Variants in PLEKHA7 observed in about 807,000 individuals in gnomAD.
PLEKHA7 encodes the protein pleckstrin homology domain-containing family A member 7.
PLEKHA7 carries 104 observed loss-of-function variants against 170.0 expected under a neutral mutation model. The ratio of observed to expected loss-of-function variants is 0.61; its 90% CI spans 0.52 to 0.72. PLEKHA7 has a LOEUF of 0.72. PLEKHA7 is among the 30% of genes least tolerant of loss of function. PLEKHA7 has a pLI of 0.00. For missense variants in PLEKHA7, 1,615 were observed against 1,671.7 expected, an observed-to-expected ratio of 0.97 and a Z score of 0.59; for synonymous variants, 648 against 660.8, an observed-to-expected ratio of 0.98 and a Z score of 0.30.
At chr11:16,899,705 T>C (rs1590537439) in intron 3 of PLEKHA7, among the ~76,000 whole-genome samples, 1 of 152,304 alleles carries the variant, frequency 6.6e-6, no homozygotes, top group East Asian at 1.9e-4. Flanking sequence ...GGCACTGTGC[T>C]ATGTACTTCC....
rs1848086084 is a variant in PLEKHA7, at chr11:16,794,599, C to T, written c.2634G>A (p.Glu878=). The T allele has an allele frequency of 6.2e-7, 1 of 1,613,386 alleles. No individual in the cohort carries two copies. The highest frequency in any genetic ancestry group is 1.7e-5 in the Admixed American group (1 of 59,968). ...TTTGCAGCTGGGGGAAGAGTCGAAC[C>T]TCCAGAGGGGTCCGCACAGGGCTGG... ...PPTSPVRTPL[E]VRLFPQLQTY... is the part of the protein sequence containing the mutation. Residue 878 remains glutamate (E), a synonymous_variant, in exon 19 of 27, where the codon GAG becomes GAA. Transcript: ENST00000531066.
chr11:16,913,073 G>GT (rs1458412046), intron 3 of PLEKHA7, among the ~76,000 whole-genome samples: 1 of 152,182 alleles, frequency 6.6e-6, no homozygotes, highest in East Asian at 1.9e-4. Flanking sequence ...TATGCCAAGG[G>GT]TGGGAGGCCC....
intron 3 of PLEKHA7, among the ~76,000 whole-genome samples, chr11:16,925,009 C>A (rs778453048): frequency 6.6e-6 from 1 of 152,214 alleles, no homozygotes; most frequent in Non-Finnish European, 1.5e-5. Flanking sequence ...TGACCCCTTA[C>A]CTCCTCCGTA....
At chr11:16,846,193 G>A (rs1271005304) in intron 8 of PLEKHA7, among the ~76,000 whole-genome samples, 1 of 152,160 alleles carries the variant, frequency 6.6e-6, no homozygotes, top group Non-Finnish European at 1.5e-5. Context: ...GCTGAGGCAG[G>A]AGAATCTCTT....
rs141437896 is a variant in PLEKHA7, at chr11:16,870,397, G to A, written c.305+702C>T. Reference sequence around the variant, plus strand: ...TAATCCCAGCACTTTGGGAGGCTGAGGCAGGAGGATTGCTTCAGCTCAGGA... The same window carrying A: ...TAATCCCAGCACTTTGGGAGGCTGAAGCAGGAGGATTGCTTCAGCTCAGGA... On this transcript the variant is annotated intron_variant, in intron 4 of 26. Transcript: ENST00000531066. Among the ~76,000 whole-genome samples, 66 of 152,222 alleles carry A rather than the reference G, an allele frequency of 4.3e-4. No homozygotes were observed. The East Asian group carries it at 0.011, about 26-fold the overall frequency.
rs549266652 is a variant in PLEKHA7 at position 16,887,768 on chromosome 11, C to A, written c.222-16586G>T. Among the ~76,000 whole-genome samples, 16 of 152,358 alleles carry A rather than the reference C, an allele frequency of 1.1e-4. No homozygotes were observed. The South Asian group carries it at 3.3e-3, about 32-fold the overall frequency. On this transcript the variant is annotated intron_variant, in intron 3 of 26. Transcript: ENST00000531066. ...ACAACCTCCACCTCCCAGCCGCCTG[C>A]CTTGGCCTCCCAAAGTGCCGAGATT...
intron 3 of PLEKHA7, among the ~76,000 whole-genome samples, chr11:16,885,348 C>A (rs376935820): frequency 1.1e-4 from 17 of 150,480 alleles, no homozygotes; most frequent in East Asian, 9.8e-4. Flanking sequence ...AAAAAAAATT[C>A]ATATGTAAAA....
chr11:16,819,768 G>A (rs1850069102), intron 10 of PLEKHA7, among the ~76,000 whole-genome samples: 1 of 152,184 alleles, frequency 6.6e-6, no homozygotes, highest in Non-Finnish European at 1.5e-5. Flanking sequence ...GAAGAACAGA[G>A]TAGAGAGGTA....
chr11:16,913,189 G>T (rs1483424472), intron 3 of PLEKHA7, among the ~76,000 whole-genome samples: 4 of 152,048 alleles, frequency 2.6e-5, no homozygotes, highest in Admixed American at 2.6e-4. Flanking sequence ...TACATTTACC[G>T]CTTGGCCAAT....
intron 3 of PLEKHA7, among the ~76,000 whole-genome samples, chr11:16,947,574 G>A (rs1368388380): frequency 2.0e-5 from 3 of 147,604 alleles, no homozygotes; most frequent in South Asian, 2.2e-4. Context: ...CTGAGCGAGA[G>A]AGCGAGACTC....
At chr11:16,801,199 C>T (rs904233018) in intron 16 of PLEKHA7, 124 bp from the exon 17 acceptor site, 110 of 810,660 alleles carry the variant, frequency 1.4e-4, no homozygotes, top group Non-Finnish European at 2.0e-4. Flanking sequence ...ACCGGGCAGG[C>T]CTGGTGGGAG....
At chr11:16,854,542 CAA>C (rs952313776) in intron 6 of PLEKHA7, among the ~76,000 whole-genome samples, 1 of 152,130 alleles carries the variant, frequency 6.6e-6, no homozygotes, top group African/African-American at 2.4e-5. Context: ...CAAATAATAA[CAA>C]AGACTCTTTG....
At chr11:16,887,125 G>A (rs574985443) in intron 3 of PLEKHA7, among the ~76,000 whole-genome samples, 54 of 152,084 alleles carry the variant, frequency 3.6e-4, no homozygotes, top group African/African-American at 1.3e-3. Flanking sequence ...TTAAAAATCA[G>A]ACAGAACTTC....
At chr11:16,984,514 G>A (rs1303452714) in intron 3 of PLEKHA7, among the ~76,000 whole-genome samples, 1 of 151,992 alleles carries the variant, frequency 6.6e-6, no homozygotes, top group East Asian at 1.9e-4. Context: ...CCTCCTTGCT[G>A]TTTCCTCGTC....
intron 13 of PLEKHA7, among the ~76,000 whole-genome samples, chr11:16,804,117 G>C (rs1347890968): frequency 6.6e-6 from 1 of 151,924 alleles, no homozygotes; most frequent in African/African-American, 2.4e-5. Context: ...TTTCTTTCTT[G>C]CCAAAAGTCA....
chr11:16,948,011 G>C (rs1300014191), intron 3 of PLEKHA7, among the ~76,000 whole-genome samples: 2 of 151,644 alleles, frequency 1.3e-5, no homozygotes, highest in Non-Finnish European at 2.9e-5. Context: ...AAAGAAGAAA[G>C]TCCTATCATT....
At chr11:16,896,388 C>A (rs772654597) in intron 3 of PLEKHA7, among the ~76,000 whole-genome samples, 7 of 152,158 alleles carry the variant, frequency 4.6e-5, no homozygotes, top group African/African-American at 9.7e-5. Flanking sequence ...CACCACCATC[C>A]CGCACAATGA....
At chr11:16,849,865 T>G (rs1852775542) in intron 8 of PLEKHA7, among the ~76,000 whole-genome samples, 1 of 151,946 alleles carries the variant, frequency 6.6e-6, no homozygotes, top group Non-Finnish European at 1.5e-5. Flanking sequence ...AATTCTGGAG[T>G]GACAGTAGCG....
At chr11:16,965,201 T>C (rs1011418872) in intron 3 of PLEKHA7, among the ~76,000 whole-genome samples, 8 of 151,908 alleles carry the variant, frequency 5.3e-5, no homozygotes, top group African/African-American at 1.9e-4. Flanking sequence ...CGCGTGCCTA[T>C]AGTCCCAGCT....
Sources: gnomAD v4.1 joint callset for allele counts (sites outside exome capture counted in the v4.1 genomes callset) on GRCh38, gnomAD v4.1.1 for gene constraint, MANE v1.5 for transcripts, NCBI Gene and HGNC (gene_info 2026-07-23, HGNC 2026-07-21) for gene names.